MAST4: variants seen among roughly 807,000 people sequenced by gnomAD.
MAST4 encodes the protein microtubule-associated serine/threonine-protein kinase 4.
In MAST4, 89 loss-of-function variants were observed where a neutral mutation model predicts 162.7. The ratio of observed to expected loss-of-function variants is 0.55; its 90% CI spans 0.46 to 0.65. The LOEUF (loss-of-function observed/expected upper bound fraction) is 0.65, where lower values mean the gene tolerates loss of function less well. Among genes scored for constraint, MAST4 ranks in the 30% least tolerant of loss-of-function variants. The pLI is 0.00. For missense variants in MAST4, 3,153 were observed against 3,374.0 expected (o/e 0.93, Z 1.62); for synonymous variants, 1,479 against 1,361.1 (o/e 1.09, Z -1.91).
chr5:66,962,070 G>A (rs1333454667), intron 4 of MAST4, among the ~76,000 whole-genome samples: 1 of 152,164 alleles, frequency 6.6e-6, no homozygotes, highest in Non-Finnish European at 1.5e-5. Context: ...TCCATATAAT[G>A]GGAGACAAGG....
At chr5:66,959,117 C>T (rs905769806) in intron 4 of MAST4, 1 of 685,460 alleles carries the variant, frequency 1.5e-6, no homozygotes, top group Non-Finnish European at 2.7e-6. Context: ...AACTTGCAGC[C>T]TCCCCCTCCC....
At chr5:67,012,580 A>T (rs751808271) in intron 4 of MAST4, among the ~76,000 whole-genome samples, 8 of 152,216 alleles carry the variant, frequency 5.3e-5, no homozygotes, top group Non-Finnish European at 8.8e-5. Context: ...ATGAAAGTAG[A>T]TACAAAGTGT....
chr5:66,949,594 G>A (rs1744428472), intron 4 of MAST4, among the ~76,000 whole-genome samples: 1 of 152,134 alleles, frequency 6.6e-6, no homozygotes, highest in Admixed American at 6.5e-5. Context: ...TCTCAGGTAT[G>A]TCTATTAGCA....
At chr5:66,854,950 C>T (rs1254364303) in intron 3 of MAST4, among the ~76,000 whole-genome samples, 1 of 152,068 alleles carries the variant, frequency 6.6e-6, no homozygotes, top group African/African-American at 2.4e-5. Flanking sequence ...CAAGTGTGTG[C>T]GAATTCTGCC....
chr5:67,148,081 C>A (rs1407474074), intron 23 of MAST4, among the ~76,000 whole-genome samples: 1 of 152,174 alleles, frequency 6.6e-6, no homozygotes, highest in East Asian at 1.9e-4. Flanking sequence ...AAGAGAAATG[C>A]TAGTTGAGTC....
At chr5:66,941,447 A>C (rs1743360389) in intron 4 of MAST4, among the ~76,000 whole-genome samples, 1 of 152,082 alleles carries the variant, frequency 6.6e-6, no homozygotes, top group African/African-American at 2.4e-5. Flanking sequence ...GCTAGCTTCC[A>C]TCTTACACAG....
intron 4 of MAST4, among the ~76,000 whole-genome samples, chr5:67,008,364 A>C (rs146088950): frequency 5.9e-4 from 90 of 152,318 alleles, no homozygotes; most frequent in African/African-American, 2.1e-3. Context: ...GTCACTGCTT[A>C]TGTTTATAGC....
chr5:66,633,037 A>G (rs1190351371), intron 1 of MAST4, among the ~76,000 whole-genome samples: 1 of 152,164 alleles, frequency 6.6e-6, no homozygotes, highest in Non-Finnish European at 1.5e-5. Flanking sequence ...TTAAATGACT[A>G]CTTACCACTG....
chr5:66,990,516 G>GT (rs1340946195), intron 4 of MAST4, among the ~76,000 whole-genome samples: 1 of 152,170 alleles, frequency 6.6e-6, no homozygotes, highest in Non-Finnish European at 1.5e-5. Context: ...GCATATGCCT[G>GT]TGGTGCCAGC....
chr5:67,090,404 TC>T (rs1763718537), intron 6 of MAST4, among the ~76,000 whole-genome samples, 173 bp downstream of exon 6: 1 of 64,338 alleles, frequency 1.6e-5, no homozygotes, highest in Non-Finnish European at 2.9e-5. Flanking sequence ...CTTCTCCCCC[TC>T]CCCACTTTTC....
At chr5:66,668,985 C>T (rs1164567947) in intron 1 of MAST4, among the ~76,000 whole-genome samples, 2 of 152,042 alleles carry the variant, frequency 1.3e-5, no homozygotes, top group South Asian at 2.1e-4. Flanking sequence ...AAAAAAGCAC[C>T]CAGGAAGTAT....
chr5:67,098,823 A>G (rs1764720185), intron 7 of MAST4, among the ~76,000 whole-genome samples: 1 of 152,148 alleles, frequency 6.6e-6, no homozygotes, highest in South Asian at 2.1e-4. Context: ...TAGAAAGGCA[A>G]CATCCCTGTT....
intron 4 of MAST4, among the ~76,000 whole-genome samples, chr5:66,988,504 T>C (rs1372930494): frequency 6.6e-6 from 1 of 152,230 alleles, no homozygotes; most frequent in East Asian, 1.9e-4. Flanking sequence ...TATTAGACAC[T>C]GTTTTAAATA....
At chr5:67,069,047 C>T (rs73768183) in intron 5 of MAST4, among the ~76,000 whole-genome samples, 5,493 of 151,824 alleles carry the variant, frequency 0.036, 335 homozygotes, top group African/African-American at 0.13. Context: ...TACCTAAGGA[C>T]GTCCCCAAAG....
intron 1 of MAST4, among the ~76,000 whole-genome samples, chr5:66,605,207 A>G (rs1467905865): frequency 1.3e-5 from 2 of 152,214 alleles, no homozygotes; most frequent in African/African-American, 4.8e-5. Context: ...CTTCATTTGA[A>G]GAGTGGCTCT....
intron 4 of MAST4, among the ~76,000 whole-genome samples, chr5:66,973,958 A>G (rs1446093628): frequency 2.0e-5 from 3 of 152,278 alleles, no homozygotes; most frequent in Middle Eastern, 3.4e-3. Flanking sequence ...TCCTTTTAAC[A>G]TGATGCAATT....
intron 1 of MAST4, among the ~76,000 whole-genome samples, chr5:66,634,002 T>A (rs1287547096): frequency 6.6e-6 from 1 of 152,216 alleles, no homozygotes; most frequent in African/African-American, 2.4e-5. Context: ...CTTCCCCTGC[T>A]CTCAGTACTG....
Position 67,163,523 on chromosome 5 carries a change from G to A in MAST4, c.4344G>A (p.Glu1448=). ...TGCTCAAGCGCGTGCAGTCCGAGGAGAAGCTGTCGCCCTCTTACGGCAGTG... is the reference window on the plus strand; with the variant it reads ...TGCTCAAGCGCGTGCAGTCCGAGGAAAAGCTGTCGCCCTCTTACGGCAGTG... ...SPLLKRVQSE[E]KLSPSYGSDK... Residue 1448 remains glutamate, a synonymous_variant, in exon 29 of 29, where the codon GAG becomes GAA. Transcript: ENST00000403625. The surrounding 1 kb of genome is among the most constrained non-coding windows in gnomAD (Gnocchi z 7.0). 1 of 1,608,356 alleles carries A rather than the reference G, an allele frequency of 6.2e-7. No homozygotes were observed. The highest frequency in any genetic ancestry group is 8.5e-7 in the Non-Finnish European group (1 of 1,177,534).
Position 67,163,496 on chromosome 5 carries a change from G to A in MAST4, c.4317G>A (p.Pro1439=), listed in dbSNP as rs1421594152. ...RPKSAEPPRS[P]LLKRVQSEEK... ...AGAGTGCGGAGCCCCCCAGGTCCCC[G>A]CTGCTCAAGCGCGTGCAGTCCGAGG... The change falls in exon 29 of 29, where the codon CCG becomes CCA. Residue 1439 remains proline, a synonymous_variant. Coordinates refer to ENST00000403625, the MANE Select transcript of MAST4 (RefSeq NM_001164664.2). This position sits in a 1 kb window ranked among gnomAD's most constrained non-coding sequence, Gnocchi z 7.0. 1.9e-6 allele frequency: 3 copies of A among 1,612,696 alleles called. No individual in the cohort carries two copies. Among genetic ancestry groups the A allele is most frequent in the Non-Finnish European group, 2.5e-6 (3 of 1,179,546 alleles).
Sources: gnomAD v4.1 joint callset for allele counts (sites outside exome capture counted in the v4.1 genomes callset) on GRCh38, gnomAD v4.1.1 for gene constraint, Gnocchi (gnomAD v3.1) non-coding constraint, MANE v1.5 for transcripts, NCBI Gene and HGNC (gene_info 2026-07-23, HGNC 2026-07-21) for gene names.